CCDC174: variants seen among roughly 807,000 people sequenced by gnomAD.
CCDC174 encodes coiled-coil domain containing 174.
In CCDC174, 37 loss-of-function variants were observed where a neutral mutation model predicts 57.1. That is an observed-to-expected ratio of 0.65 (90% confidence interval 0.50 to 0.85). The LOEUF (loss-of-function observed/expected upper bound fraction) is 0.85. Among genes scored for constraint, CCDC174 ranks in the 40% least tolerant of loss-of-function variants. The pLI is 0.00. For missense variants in CCDC174, 540 were observed against 574.3 expected (o/e 0.94, Z 0.61); for synonymous variants, 182 against 190.2 (o/e 0.96, Z 0.35).
In CCDC174 at chr3:14,661,620, A is replaced by C; in HGVS notation, c.398A>C (p.Asp133Ala). Residue 133 changes from aspartate to alanine, a missense_variant, in exon 5 of 11, where the codon GAT becomes GCT. Transcript: ENST00000383794. Reference protein sequence around the residue: ...KEMEASGAHRDSQKAGERDDD... With the variant: ...KEMEASGAHRASQKAGERDDD... ...ATGGAGGCATCTGGTGCCCATAGAG[A>C]TTCTCAAAAGGCAGGAGAAAGGGAC... 6.8e-6 allele frequency: 11 copies of C among 1,614,206 alleles called. No homozygotes were observed. The highest frequency in any genetic ancestry group is 9.3e-6 in the Non-Finnish European group (11 of 1,180,036).
In CCDC174 at chr3:14,651,831, A is replaced by G. The variant is rs1480102738; in HGVS notation, c.-6A>G. On this transcript the variant is annotated 5_prime_UTR_variant, in exon 1 of 11. Coordinates refer to ENST00000383794, the MANE Select transcript of CCDC174 (RefSeq NM_016474.5). ...CCTTCCTGGACCGGGACCCTCTGCC[A>G]CGACCATGGACCGTAGGAAAAAGCC... The G allele has an allele frequency of 1.2e-6, 2 of 1,614,010 alleles. No homozygotes were observed. The highest frequency in any genetic ancestry group is 1.7e-6 in the Non-Finnish European group (2 of 1,179,996).
intron 7 of CCDC174, chr3:14,667,160 T>C (rs942040395): frequency 2.4e-5 from 15 of 621,872 alleles, no homozygotes; most frequent in Non-Finnish European, 4.2e-5. Flanking sequence ...ATCCAAGGGA[T>C]TGTTCCCTGA....
At chr3:14,657,902 C>T (rs1160351722) in intron 3 of CCDC174, among the ~76,000 whole-genome samples, 1 of 152,220 alleles carries the variant, frequency 6.6e-6, no homozygotes, top group Non-Finnish European at 1.5e-5. Context: ...TAACCTGACA[C>T]TTGTTGCTTT....
At position 14,666,877 on chromosome 3, in the gene CCDC174, G is replaced by A. The variant is rs749666357; in HGVS notation, c.654G>A (p.Trp218Ter). Residue 218 changes from tryptophan to a stop codon, truncating the protein, a stop_gained, in exon 7 of 11, where the codon TGG becomes TGA. Transcript: ENST00000383794. LOFTEE classifies it high-confidence loss of function. ...GAAAAGAACTTCAGCGCCAGCAATG[G>A]GAGGAAGAAGAAAGAGAGGCCCTGA... ...DMRKELQRQQ[W>*]EEEEREALKR... 7.5e-6 allele frequency: 12 copies of A among 1,607,068 alleles called. No homozygotes were observed. The highest frequency in any genetic ancestry group is 1.3e-5 in the African/African-American group (1 of 74,148).
chr3:14,671,318 G>T lies in CCDC174; in HGVS notation c.*124G>T. On this transcript the variant is annotated 3_prime_UTR_variant, in exon 11 of 11. Coordinates refer to ENST00000383794, the MANE Select transcript of CCDC174 (RefSeq NM_016474.5). ...CCTTTCCCTAGGAGGCACAGACTTC[G>T]GGTTGGATTTGTCAGCAAGGAGGAA... 9.6e-7 allele frequency: 1 copy of T among 1,045,210 alleles called. No homozygotes were observed. Among genetic ancestry groups the T allele is most frequent in the East Asian group, 2.5e-5 (1 of 40,522 alleles). The allele number at this position is 1,045,210 out of a possible 1,614,324, so 64.7% of individuals were successfully genotyped here.
At position 14,667,512 on chromosome 3, in the gene CCDC174, T is replaced by C; in HGVS notation, c.813T>C (p.Arg271=). The change falls in exon 8 of 11, where the codon CGT becomes CGC. Residue 271 remains arginine (R), a synonymous_variant. Transcript: ENST00000383794. ...NKQMKTLEML[R]EQTTDQRTKR... ...AGATGAAAACCTTAGAGATGCTGCG[T>C]GAACAGGTACAGATAAATCCCAAGT... The C allele has an allele frequency of 1.2e-6, 2 of 1,612,870 alleles. No individual in the cohort carries two copies. The highest frequency in any genetic ancestry group is 2.2e-5 in the South Asian group (2 of 91,054).
intron 5 of CCDC174, among the ~76,000 whole-genome samples, chr3:14,663,779 T>C (rs1277015772): frequency 6.6e-6 from 1 of 152,244 alleles, no homozygotes; most frequent in Non-Finnish European, 1.5e-5. Context: ...TTTTTGCTTA[T>C]TAATGCCTGT....
In CCDC174 at chr3:14,660,640, A is replaced by G. The variant is rs115473323; in HGVS notation, c.308-890A>G. On this transcript the variant is annotated intron_variant, in intron 4 of 10. Coordinates refer to ENST00000383794, the MANE Select transcript of CCDC174 (RefSeq NM_016474.5). The stretch of plus-strand genomic sequence containing the variant: ...TGGTTTTGTCAAAGCCAGCAAGCCT[A>G]CCTCCTGATAGATATGTCAGACCTG... Among the ~76,000 whole-genome samples the G allele has an allele frequency of 6.6e-3, 1,008 of 152,330 alleles. 14 individuals are homozygous for G. The highest frequency in any genetic ancestry group is 0.023 in the African/African-American group (945 of 41,586).
rs2031519276 is a variant in CCDC174, at chr3:14,671,699, T to C, written c.*505T>C. The C allele has an allele frequency of 6.5e-6, 1 of 153,192 alleles. No homozygotes were observed. Among genetic ancestry groups the C allele is most frequent in the Non-Finnish European group, 1.5e-5 (1 of 68,864 alleles). The allele number at this position is 153,192 out of a possible 1,614,324, so 9.5% of individuals were successfully genotyped here. A position where few individuals can be genotyped will look rare whatever the true frequency, so the allele number is the denominator to read the frequency against. On this transcript the variant is annotated 3_prime_UTR_variant, in exon 11 of 11. Transcript: ENST00000383794. ...CCAAGAGGACCCGGAAGTAATCACA[T>C]AGGAAATGATAAGGAAGACCAGGAG... is the stretch of plus-strand genomic sequence containing the variant.
chr3:14,666,516 G>T (rs1261768984), intron 6 of CCDC174, among the ~76,000 whole-genome samples: 1 of 151,800 alleles, frequency 6.6e-6, no homozygotes, highest in Non-Finnish European at 1.5e-5. Flanking sequence ...CCAGCTACTC[G>T]GGAGGCTGAG....
intron 3 of CCDC174, among the ~76,000 whole-genome samples, chr3:14,656,127 C>G (rs899152724): frequency 4.6e-5 from 7 of 152,136 alleles, no homozygotes; most frequent in African/African-American, 1.7e-4. Context: ...AGTCGTTCAG[C>G]CTATATCTTC....
At chr3:14,668,665 T>A (rs2031419129) in intron 9 of CCDC174, among the ~76,000 whole-genome samples, 1 of 137,700 alleles carries the variant, frequency 7.3e-6, no homozygotes, top group African/African-American at 2.5e-5. Context: ...ACGGTTCCCC[T>A]TGGAAACACT....
intron 3 of CCDC174, among the ~76,000 whole-genome samples, chr3:14,657,668 T>G (rs769070528): frequency 6.6e-6 from 1 of 152,218 alleles, no homozygotes; most frequent in Non-Finnish European, 1.5e-5. Context: ...TGTCTCTATT[T>G]TGCACCATTC....
At chr3:14,654,653 T>C (rs1164930951) in intron 2 of CCDC174, 123 bp downstream of exon 2, 1 of 525,202 alleles carries the variant, frequency 1.9e-6, no homozygotes, top group East Asian at 3.3e-5. Flanking sequence ...ATCTCTATCT[T>C]GTATTTAACA....
At chr3:14,667,392 C>G (rs1212147356) in intron 7 of CCDC174, 32 bp from the exon 8 acceptor site, 8 of 1,543,326 alleles carry the variant, frequency 5.2e-6, no homozygotes, top group Non-Finnish European at 7.2e-6. Flanking sequence ...TCAGGACAGT[C>G]TGATCTTTTG....
chr3:14,655,459 T>C (rs1052924836), intron 2 of CCDC174, 70 bp from the exon 3 acceptor site: 14 of 913,102 alleles, frequency 1.5e-5, no homozygotes, highest in African/African-American at 5.1e-5. Flanking sequence ...TTTTTTTTTT[T>C]CCTGATGCAC....
At chr3:14,652,639 C>G (rs993747474) in intron 1 of CCDC174, among the ~76,000 whole-genome samples, 1 of 152,150 alleles carries the variant, frequency 6.6e-6, no homozygotes, top group African/African-American at 2.4e-5. Context: ...CGGTGACTCA[C>G]GCCTGTAATC....
chr3:14,665,623 T>C (rs1177908635), intron 6 of CCDC174, among the ~76,000 whole-genome samples: 1 of 152,220 alleles, frequency 6.6e-6, no homozygotes, highest in Non-Finnish European at 1.5e-5. Context: ...TCCAGGGGAA[T>C]AAATTCCTCT....
intron 6 of CCDC174, among the ~76,000 whole-genome samples, chr3:14,666,591 C>A (rs1376179675): frequency 1.3e-5 from 2 of 151,906 alleles, no homozygotes; most frequent in Non-Finnish European, 2.9e-5. Flanking sequence ...CCACTGCACT[C>A]CAGCCTGGGC....
Sources: gnomAD v4.1 joint callset for allele counts (sites outside exome capture counted in the v4.1 genomes callset) on GRCh38, gnomAD v4.1.1 for gene constraint, MANE v1.5 for transcripts, NCBI Gene and HGNC (gene_info 2026-07-23, HGNC 2026-07-21) for gene names.